Variants in CTNNA3 observed in about 807,000 individuals in gnomAD.
The protein encoded by CTNNA3 is catenin alpha-3.
CTNNA3 carries 76 observed loss-of-function variants against 95.7 expected under a neutral mutation model. The observed-to-expected ratio is 0.79, with a 90% CI of 0.66 to 0.96. The LOEUF (loss-of-function observed/expected upper bound fraction) is 0.96, where lower values mean the gene tolerates loss of function less well. CTNNA3 is among the 40% of genes least tolerant of loss of function. The pLI is 0.00. For synonymous variants in CTNNA3, 431 were observed against 374.4 expected (o/e 1.15, Z -1.74); for missense variants, 1,191 against 1,089.8 (o/e 1.09, Z -1.31).
intron 7 of CTNNA3, among the ~76,000 whole-genome samples, chr10:66,922,775 C>T (rs1446645889): frequency 6.6e-6 from 1 of 152,088 alleles, no homozygotes; most frequent in Non-Finnish European, 1.5e-5. Flanking sequence ...TGTTGTAGCA[C>T]ATCATTCCTG....
At chr10:66,127,543 A>G (rs1339863912) in intron 13 of CTNNA3, among the ~76,000 whole-genome samples, 1 of 152,130 alleles carries the variant, frequency 6.6e-6, no homozygotes, top group Admixed American at 6.6e-5. Flanking sequence ...AAAAACAAGG[A>G]AAGTCTAAGA....
intron 7 of CTNNA3, among the ~76,000 whole-genome samples, chr10:67,074,161 T>C (rs1407850065): frequency 1.3e-5 from 2 of 149,448 alleles, no homozygotes; most frequent in Non-Finnish European, 1.5e-5. Context: ...GCCTCCCAAG[T>C]AGCTGGGACT....
chr10:67,717,745 G>A (rs1019241788), intron 1 of CTNNA3, among the ~76,000 whole-genome samples: 6 of 152,162 alleles, frequency 3.9e-5, no homozygotes, highest in Non-Finnish European at 8.8e-5. Context: ...TTGAAGTCGG[G>A]TAGCATGATG....
At chr10:66,329,580 A>G (rs1298722768) in intron 12 of CTNNA3, among the ~76,000 whole-genome samples, 27 of 1,868 alleles carry the variant, frequency 0.014, no homozygotes, top group Non-Finnish European at 0.054. Flanking sequence ...GTTTCAGGGA[A>G]AAAAAAAAAA....
At chr10:66,980,814 T>C (rs1231882189) in intron 7 of CTNNA3, among the ~76,000 whole-genome samples, 1 of 152,208 alleles carries the variant, frequency 6.6e-6, no homozygotes, top group Non-Finnish European at 1.5e-5. Flanking sequence ...AATTTTGTAA[T>C]GGTCTGGAAT....
At chr10:66,645,346 T>C (rs906774473) in intron 9 of CTNNA3, among the ~76,000 whole-genome samples, 1 of 152,152 alleles carries the variant, frequency 6.6e-6, no homozygotes, top group Non-Finnish European at 1.5e-5. Flanking sequence ...TTTTTTAATA[T>C]TTTACCTTTG....
At chr10:66,515,974 G>T (rs1840839639) in intron 11 of CTNNA3, among the ~76,000 whole-genome samples, 2 of 142,306 alleles carry the variant, frequency 1.4e-5, no homozygotes, top group Admixed American at 1.5e-4. Flanking sequence ...AAACACATCT[G>T]TAACTTTTCT....
intron 7 of CTNNA3, among the ~76,000 whole-genome samples, chr10:67,064,718 G>T (rs1855963916): frequency 6.6e-6 from 1 of 152,126 alleles, no homozygotes; most frequent in Non-Finnish European, 1.5e-5. Flanking sequence ...ACTGTGTGAG[G>T]TATTAATTGA....
chr10:65,997,143 T>C (rs1004238428), intron 15 of CTNNA3, among the ~76,000 whole-genome samples: 6 of 152,230 alleles, frequency 3.9e-5, no homozygotes, highest in Admixed American at 3.9e-4. Context: ...ATCTTCTCGT[T>C]TGTCTCATAG....
intron 13 of CTNNA3, among the ~76,000 whole-genome samples, chr10:66,237,137 TAAC>T (rs1184455534): frequency 6.6e-6 from 1 of 151,772 alleles, no homozygotes; most frequent in African/African-American, 2.4e-5. Context: ...ATCATAATAA[TAAC>T]CCAAAAAAAG....
intron 5 of CTNNA3, among the ~76,000 whole-genome samples, chr10:67,490,489 G>A (rs546309724): frequency 9.2e-5 from 14 of 152,168 alleles, no homozygotes; most frequent in South Asian, 2.1e-4. Context: ...CAAATTACAC[G>A]TGAATAAAAA....
intron 15 of CTNNA3, among the ~76,000 whole-genome samples, chr10:66,059,812 G>C (rs1315061658): frequency 6.6e-6 from 1 of 152,012 alleles, no homozygotes; most frequent in Non-Finnish European, 1.5e-5. Context: ...ATTGTATCTT[G>C]AAATATACAA....
At chr10:66,248,408 C>T (rs1036127773) in intron 13 of CTNNA3, among the ~76,000 whole-genome samples, 2 of 149,052 alleles carry the variant, frequency 1.3e-5, no homozygotes, top group Admixed American at 6.7e-5. Flanking sequence ...AATAACATTA[C>T]ATGTAAATGG....
intron 7 of CTNNA3, among the ~76,000 whole-genome samples, chr10:66,787,273 C>T (rs975855962): frequency 1.3e-5 from 2 of 151,584 alleles, no homozygotes; most frequent in African/African-American, 4.9e-5. Flanking sequence ...TCACTATGTA[C>T]TAAATGTTAC....
At position 67,696,055 on chromosome 10, in the gene CTNNA3, T is replaced by C. The variant is rs1402804637; in HGVS notation, c.-61A>G. On this transcript the variant is annotated 5_prime_UTR_variant, in exon 1 of 18. Transcript: ENST00000433211. Reference sequence around the variant, plus strand: ...CTTAAAATTCAGCTCCCGTAGGGAATTTTCCAAAAAGAGCTTTGTGGGGGA... The same window carrying C: ...CTTAAAATTCAGCTCCCGTAGGGAACTTTCCAAAAAGAGCTTTGTGGGGGA... 1 of 151,934 alleles carries C rather than the reference T, an allele frequency of 6.6e-6. No homozygotes were observed. Among genetic ancestry groups the C allele is most frequent in the Non-Finnish European group, 1.5e-5 (1 of 67,992 alleles). The allele number at this position is 151,934 out of a possible 1,614,324, so 9.4% of individuals were successfully genotyped here. A position where few individuals can be genotyped will look rare whatever the true frequency, so the allele number is the denominator to read the frequency against.
intron 5 of CTNNA3, among the ~76,000 whole-genome samples, chr10:67,339,379 A>G (rs1367743557): frequency 6.6e-6 from 1 of 152,166 alleles, no homozygotes; most frequent in Admixed American, 6.5e-5. Flanking sequence ...AAATATCACA[A>G]TTCCCAGATC....
intron 7 of CTNNA3, among the ~76,000 whole-genome samples, chr10:66,966,276 CAATT>C (rs1304351595): frequency 2.6e-5 from 4 of 152,116 alleles, no homozygotes; most frequent in Non-Finnish European, 5.9e-5. Context: ...TATGTGTAGA[CAATT>C]AAATTAATCT....
At chr10:66,171,093 A>T (rs1288305782) in intron 13 of CTNNA3, among the ~76,000 whole-genome samples, 1 of 152,108 alleles carries the variant, frequency 6.6e-6, no homozygotes, top group East Asian at 1.9e-4. Context: ...AGATGGAGCC[A>T]CTGCACTCCA....
At chr10:66,548,894 C>A (rs888861507) in intron 10 of CTNNA3, among the ~76,000 whole-genome samples, 8 of 150,750 alleles carry the variant, frequency 5.3e-5, no homozygotes, top group Admixed American at 4.6e-4. Context: ...TTCATATTCA[C>A]GAAGAATATT....
Sources: allele counts gnomAD v4.1 joint callset (sites outside exome capture counted in the v4.1 genomes callset), GRCh38; gene constraint gnomAD v4.1.1; transcripts MANE v1.5; gene names NCBI Gene and HGNC (gene_info 2026-07-23, HGNC 2026-07-21).